Variants in PKD1L3 observed in about 807,000 individuals in gnomAD.
PKD1L3 encodes polycystin 1 like 3, transient receptor potential channel interacting.
PKD1L3 carries 239 observed loss-of-function variants against 184.1 expected under a neutral mutation model. The ratio of observed to expected loss-of-function variants is 1.30; its 90% CI spans 1.17 to 1.45. PKD1L3 has a LOEUF of 1.45. Ranked by LOEUF, PKD1L3 falls within the 40% of genes most tolerant of loss-of-function variation. The pLI, the probability that PKD1L3 is intolerant of heterozygous loss-of-function variation, is 0.00. For synonymous variants in PKD1L3, 996 were observed against 778.8 expected (o/e 1.28, Z -4.64); for missense variants, 2,660 against 2,067.2 (o/e 1.29, Z -5.56).
At chr16:71,977,554 C>T (rs2039977557) in intron 10 of PKD1L3, 87 bp from the exon 11 acceptor site, 2 of 761,374 alleles carry the variant, frequency 2.6e-6, no homozygotes, top group South Asian at 2.0e-5. Flanking sequence ...AGGAAACGTC[C>T]TAGCTCTTTT....
chr16:71,941,240 G>A (rs549667156), intron 24 of PKD1L3, among the ~76,000 whole-genome samples: 1 of 150,144 alleles, frequency 6.7e-6, no homozygotes, highest in East Asian at 1.9e-4. Flanking sequence ...TAAAGGATCA[G>A]AAGGAAAAAA....
At chr16:71,975,780 G>T (rs1198607424) in intron 11 of PKD1L3, among the ~76,000 whole-genome samples, 1 of 152,106 alleles carries the variant, frequency 6.6e-6, no homozygotes, top group African/African-American at 2.4e-5. Context: ...CTACACATGT[G>T]GTAAAATCAC....
At chr16:71,979,469 GACAAA>G (rs1555524084) in intron 9 of PKD1L3, among the ~76,000 whole-genome samples, 181 of 121,348 alleles carry the variant, frequency 1.5e-3, no homozygotes, top group Middle Eastern at 5.3e-3. Context: ...AACAAAACAA[GACAAA>G]ACAAAACAAA....
intron 15 of PKD1L3, among the ~76,000 whole-genome samples, chr16:71,965,569 T>C (rs957737616): frequency 6.6e-6 from 1 of 151,838 alleles, no homozygotes; most frequent in Non-Finnish European, 1.5e-5. Flanking sequence ...TTTTTTTTTT[T>C]TTTTGGAGAT....
rs561621957 is a variant in PKD1L3 at position 71,993,918 on chromosome 16, G to A, written c.419-586C>T. ...GCCTCCCGAGTAGCTGGGATTACAGGCACGTGCCACCACGCCTAATTTTTT... is the reference window on the plus strand; with the variant it reads ...GCCTCCCGAGTAGCTGGGATTACAGACACGTGCCACCACGCCTAATTTTTT... On this transcript the variant is annotated intron_variant, in intron 2 of 29. Coordinates refer to ENST00000620267, the MANE Select transcript of PKD1L3 (RefSeq NM_181536.2). Among the ~76,000 whole-genome samples, 236 of 152,278 alleles carry A rather than the reference G, an allele frequency of 1.5e-3. 3 individuals are homozygous for A. The South Asian group carries it at 0.025, about 16-fold the overall frequency.
intron 12 of PKD1L3, among the ~76,000 whole-genome samples, chr16:71,972,602 T>C (rs2039758142): frequency 6.6e-6 from 1 of 150,616 alleles, no homozygotes; most frequent in African/African-American, 2.5e-5. Context: ...GCGGATCTTT[T>C]GAGCCCAGGA....
Position 71,954,219 on chromosome 16 carries a change from G to A in PKD1L3, c.2695C>T (p.Gln899Ter). 1.3e-6 allele frequency: 2 copies of A among 1,551,318 alleles called. No homozygotes were observed. Among genetic ancestry groups the A allele is most frequent in the South Asian group, 1.2e-5 (1 of 83,974 alleles). ...LSIATRHPWN[Q>*]FTRVQRLSCC... Reference sequence around the variant, plus strand: ...GACAGCCGTTGGACCCTTGTAAACTGGTTCCAGGGATGCCGAGTTGCAATT... The same window carrying A: ...GACAGCCGTTGGACCCTTGTAAACTAGTTCCAGGGATGCCGAGTTGCAATT... Residue 899 changes from glutamine to a stop codon, truncating the protein, a stop_gained, in exon 17 of 30, where the codon CAG becomes TAG. Transcript: ENST00000620267. LOFTEE classifies it high-confidence loss of function.
chr16:71,937,274 C>T lies in PKD1L3; in HGVS notation c.4452+18G>A. 3 of 1,547,270 alleles carry T rather than the reference C, an allele frequency of 1.9e-6. No individual in the cohort carries two copies. Among genetic ancestry groups the T allele is most frequent in the Non-Finnish European group, 1.7e-6 (2 of 1,145,456 alleles). On this transcript the variant is annotated intron_variant, in intron 25 of 29. Transcript: ENST00000620267. ...TTTGCCATGTTGCCCAGGCTGACAT[C>T]TAACATTATTGACTCACCTGTATGA... is the stretch of plus-strand genomic sequence containing the variant.
intron 4 of PKD1L3, among the ~76,000 whole-genome samples, 187 bp downstream of exon 4, chr16:71,990,085 CAAAAAAAA>C (rs34692174): frequency 8.4e-6 from 1 of 119,162 alleles, no homozygotes; most frequent in African/African-American, 2.9e-5. Context: ...TCTCTCCCAC[CAAAAAAAA>C]AAAAAAAAAA....
intron 29 of PKD1L3, 119 bp from the exon 30 acceptor site, chr16:71,929,797 A>G: frequency 8.9e-7 from 1 of 1,121,444 alleles, no homozygotes; most frequent in South Asian, 1.7e-5. Flanking sequence ...TATTTCTTTA[A>G]TAATTTGCAG....
intron 3 of PKD1L3, among the ~76,000 whole-genome samples, chr16:71,990,732 C>T (rs72787010): frequency 1.3e-5 from 2 of 151,798 alleles, no homozygotes; most frequent in East Asian, 1.9e-4. Flanking sequence ...AGATTCCACC[C>T]CCACCCCCTG....
intron 3 of PKD1L3, 25 bp downstream of exon 3, chr16:71,993,191 G>A (rs949715493): frequency 2.1e-6 from 3 of 1,435,556 alleles, no homozygotes; most frequent in Non-Finnish European, 2.8e-6. Context: ...GGATTTTTAA[G>A]GTTACTAGAG....
At chr16:71,996,163 G>T (rs1371759155) in intron 2 of PKD1L3, among the ~76,000 whole-genome samples, 1 of 151,400 alleles carries the variant, frequency 6.6e-6, no homozygotes, top group Non-Finnish European at 1.5e-5. Flanking sequence ...TCTTGCAAGG[G>T]TAACAACAGG....
Position 71,979,896 on chromosome 16 carries a change from A to C in PKD1L3, c.1288T>G (p.Leu430Val). The part of the protein sequence containing the change: ...LLLSRQNIST[L>V]PLSSYTLGHP... ...CCCAGAGTGTAAGAGCTCAGCGGTA[A>C]AGTTGATATGTTTTGTCTAATGAGA... Residue 430 changes from leucine (L) to valine (V), a missense_variant, in exon 9 of 30, where the codon TTA (leucine) becomes GTA (valine). By Grantham distance (32) the Leu-to-Val change is conservative (BLOSUM62 1). Transcript: ENST00000620267. 1 of 1,549,760 alleles carries C rather than the reference A, an allele frequency of 6.5e-7. No homozygotes were observed. Among genetic ancestry groups the C allele is most frequent in the Non-Finnish European group, 8.7e-7 (1 of 1,146,660 alleles).
At chr16:71,974,175 A>C (rs2039831769) in intron 11 of PKD1L3, among the ~76,000 whole-genome samples, 1 of 152,234 alleles carries the variant, frequency 6.6e-6, no homozygotes, top group Admixed American at 6.5e-5. Flanking sequence ...GAGATAGGGC[A>C]GCTTCAGGAA....
rs1252226689 is a variant in PKD1L3 at position 71,975,929 on chromosome 16, G to C, written c.1759+1307C>G. ...AAGATACTACCATTCAGAGAAACTGGATGAGAGGTATACAAGCTGTTTCTG... is the reference window on the plus strand; with the variant it reads ...AAGATACTACCATTCAGAGAAACTGCATGAGAGGTATACAAGCTGTTTCTG... On this transcript the variant is annotated intron_variant, in intron 11 of 29. Coordinates refer to ENST00000620267, the MANE Select transcript of PKD1L3 (RefSeq NM_181536.2). Among the ~76,000 whole-genome samples the C allele has an allele frequency of 2.0e-5, 3 of 150,600 alleles. 1 individual carries two copies. The highest frequency in any genetic ancestry group is 4.4e-5 in the Non-Finnish European group (3 of 67,894).
At chr16:71,961,306 A>G (rs1193943313) in intron 16 of PKD1L3, among the ~76,000 whole-genome samples, 4 of 151,998 alleles carry the variant, frequency 2.6e-5, no homozygotes, top group Admixed American at 2.6e-4. Context: ...TATTTTTGGT[A>G]GAGAAGGGGT....
At chr16:71,996,881 T>C (rs1178267457) in intron 2 of PKD1L3, among the ~76,000 whole-genome samples, 2 of 152,052 alleles carry the variant, frequency 1.3e-5, no homozygotes, top group African/African-American at 4.8e-5. Context: ...ATTATCTCTC[T>C]ACAGGTACAG....
In PKD1L3 at chr16:71,969,830, A is replaced by T. The variant is rs1289721636; in HGVS notation, c.2184+45T>A. On this transcript the variant is annotated intron_variant, in intron 13 of 29. Coordinates refer to ENST00000620267, the MANE Select transcript of PKD1L3 (RefSeq NM_181536.2). ...GTTTTTTCCTTCATCTTATTTAATT[A>T]CTCAAAACATCATGGCAAATCTGTT... The T allele has an allele frequency of 3.4e-6, 5 of 1,485,668 alleles. No homozygotes were observed. In the African/African-American group the frequency reaches 7.0e-5, roughly 21 times the overall value. The allele number at this position is 1,485,668 out of a possible 1,614,324, so 92.0% of individuals were successfully genotyped here. A position where few individuals can be genotyped will look rare whatever the true frequency, so the allele number is the denominator to read the frequency against.
Sources: gnomAD v4.1 joint callset for allele counts (sites outside exome capture counted in the v4.1 genomes callset) on GRCh38, gnomAD v4.1.1 for gene constraint, MANE v1.5 for transcripts, NCBI Gene and HGNC (gene_info 2026-07-23, HGNC 2026-07-21) for gene names.